Variants in FRMPD4 observed in about 807,000 individuals in gnomAD.
FRMPD4 encodes the protein FERM and PDZ domain containing 4.
FRMPD4 carries 22 observed loss-of-function variants against 94.1 expected under a neutral mutation model. The observed-to-expected ratio is 0.23, with a 90% CI of 0.17 to 0.33. The LOEUF (loss-of-function observed/expected upper bound fraction) is 0.33. Ranked by LOEUF, FRMPD4 falls within the 10% of genes least tolerant of loss-of-function variation. The pLI, the probability that FRMPD4 is intolerant of heterozygous loss-of-function variation, is 1.00. For synonymous variants in FRMPD4, 631 were observed against 548.6 expected (o/e 1.15, Z -2.10); for missense variants, 1,111 against 1,339.9 (o/e 0.83, Z 2.67).
intron 4 of FRMPD4, among the ~76,000 whole-genome samples, chrX:12,654,022 C>T (rs775326014): frequency 5.3e-5 from 6 of 112,198 alleles, no homozygotes; most frequent in South Asian, 3.7e-4. Flanking sequence ...TTGCCCACCT[C>T]GGCCTCCCAA....
intron 1 of FRMPD4, among the ~76,000 whole-genome samples, chrX:12,392,609 T>A (rs1317891052): frequency 9.1e-6 from 1 of 110,320 alleles, no homozygotes; most frequent in East Asian, 2.9e-4. Flanking sequence ...GCCGAGATCA[T>A]GCCACTGCAC....
rs781643371 is a variant in FRMPD4 at position 12,601,622 on chromosome X, C to T, written c.159-8099C>T. ...AATCTTATTCCTAAACTCATGTGTG[C>T]GATCGTATTATATTCCTGCTGGTTG... On this transcript the variant is annotated intron_variant, in intron 2 of 16. Transcript: ENST00000675598. Among the ~76,000 whole-genome samples, 35 of 111,931 alleles carry T rather than the reference C, an allele frequency of 3.1e-4. No homozygotes were observed. In the South Asian group the frequency reaches 6.0e-3, roughly 19 times the overall value.
chrX:11,898,134 G>A (rs1371883764), intron 3 of FRMPD4, among the ~76,000 whole-genome samples: 2 of 111,260 alleles, frequency 1.8e-5, no homozygotes, highest in African/African-American at 6.5e-5. Context: ...TGTGTGTATT[G>A]GGGGTATGGG....
chrX:12,083,763 G>A (rs950733612), intron 3 of FRMPD4, among the ~76,000 whole-genome samples: 7 of 112,544 alleles, frequency 6.2e-5, no homozygotes, highest in African/African-American at 2.3e-4. Flanking sequence ...GGAGTCAAAG[G>A]AGATCATTTT....
intron 3 of FRMPD4, among the ~76,000 whole-genome samples, chrX:11,961,862 T>C (rs2054285344): frequency 8.9e-6 from 1 of 111,898 alleles, no homozygotes; most frequent in African/African-American, 3.3e-5. Flanking sequence ...CCAGGCCTTC[T>C]TCCACATTCC....
Position 11,918,612 on chromosome X carries a change from AC to A in FRMPD4, c.95+40595del, listed in dbSNP as rs201427181. Among the ~76,000 whole-genome samples the A allele has an allele frequency of 2.3e-3, 258 of 112,149 alleles. 1 individual carries two copies. The highest frequency in any genetic ancestry group is 7.2e-3 in the African/African-American group (222 of 30,835). On this transcript the variant is annotated intron_variant, in intron 3 of 18. Transcript: ENST00000640291. ...AGCAAAATTCCATCTCAAAACAAAA[AC>A]AAAAAAAGAAAGGGACACAGCTAGA... is the stretch of plus-strand genomic sequence containing the variant.
chrX:12,180,128 C>A (rs774845089), intron 1 of FRMPD4, among the ~76,000 whole-genome samples: 3 of 111,062 alleles, frequency 2.7e-5, no homozygotes, highest in Non-Finnish European at 5.7e-5. Context: ...TGGTCTGAAT[C>A]CTCTAATGCT....
chrX:12,319,658 G>A (rs149911155), intron 1 of FRMPD4, among the ~76,000 whole-genome samples: 38 of 112,025 alleles, frequency 3.4e-4, no homozygotes, highest in African/African-American at 1.2e-3. Context: ...CTTGGGAATA[G>A]CAGCCCATCT....
At chrX:12,621,942 A>AAG (rs1243668508) in intron 4 of FRMPD4, among the ~76,000 whole-genome samples, 2 of 91,697 alleles carry the variant, frequency 2.2e-5, no homozygotes, top group Non-Finnish European at 4.3e-5. Flanking sequence ...GAAAGAAAGA[A>AAG]AGAGAGAGAG....
Position 11,912,177 on chromosome X carries a change from T to G in FRMPD4, c.95+34159T>G, listed in dbSNP as rs145459284. Among the ~76,000 whole-genome samples, 694 of 112,349 alleles carry G rather than the reference T, an allele frequency of 6.2e-3. 6 individuals are homozygous for G. The highest frequency in any genetic ancestry group is 0.021 in the African/African-American group (654 of 30,948). On this transcript the variant is annotated intron_variant, in intron 3 of 18. Transcript: ENST00000640291. ...AAGCTTCTGTAAGCCACTCCCAGCC[T>G]CTTTTCTTTTCCTTTGCCTGTCAGT...
At chrX:11,951,192 T>G (rs2054221478) in intron 3 of FRMPD4, among the ~76,000 whole-genome samples, 1 of 111,114 alleles carries the variant, frequency 9.0e-6, no homozygotes, top group African/African-American at 3.3e-5. Flanking sequence ...GGTGATTCCT[T>G]GAAAACCTAA....
chrX:12,537,701 G>A (rs761240842), intron 2 of FRMPD4, among the ~76,000 whole-genome samples: 3 of 108,270 alleles, frequency 2.8e-5, no homozygotes, highest in African/African-American at 6.7e-5. Context: ...ATTCCCCGCC[G>A]CATCCCCCCA....
intron 1 of FRMPD4, among the ~76,000 whole-genome samples, chrX:12,316,325 T>C (rs2055114667): frequency 1.8e-5 from 2 of 109,820 alleles, no homozygotes; most frequent in Non-Finnish European, 3.8e-5. Context: ...TTTTGTGTTT[T>C]TTTTTTTAGT....
intron 3 of FRMPD4, among the ~76,000 whole-genome samples, chrX:12,091,866 T>C (rs1418111702): frequency 1.8e-5 from 2 of 111,293 alleles, no homozygotes; most frequent in African/African-American, 6.5e-5. Context: ...TTTTCCAACC[T>C]GTAGAGTGCC....
chrX:12,717,806 C>G lies in FRMPD4; in HGVS notation c.2980C>G (p.His994Asp). ...VPSKQLLHSD[H>D]MEMEPETMET... is the part of the protein sequence containing the mutation. ...TTCCAAGCAGTTACTTCACTCAGAC[C>G]ACATGGAGATGGAGCCTGAAACTAT... Residue 994 changes from histidine (H) to aspartate (D), a missense_variant, in exon 16 of 17, where the codon CAC (histidine) becomes GAC (aspartate). Transcript: ENST00000675598. 8.3e-7 allele frequency: 1 copy of G among 1,211,041 alleles called. No homozygotes were observed. The highest frequency in any genetic ancestry group is 1.8e-5 in the South Asian group (1 of 57,012).
intron 8 of FRMPD4, among the ~76,000 whole-genome samples, chrX:12,693,736 C>A (rs1324443965): frequency 8.9e-6 from 1 of 112,201 alleles, no homozygotes; most frequent in Non-Finnish European, 1.9e-5. Context: ...ATAAACCATA[C>A]TGGACAATCT....
At chrX:12,121,272 T>G in intron 3 of FRMPD4, among the ~76,000 whole-genome samples, 2 of 110,635 alleles carry the variant, frequency 1.8e-5, no homozygotes, top group Non-Finnish European at 3.8e-5. Context: ...GGCCAGATCT[T>G]AGATTTGCAA....
At chrX:12,612,569 G>A (rs2148421886) in intron 3 of FRMPD4, among the ~76,000 whole-genome samples, 1 of 112,263 alleles carries the variant, frequency 8.9e-6, no homozygotes, top group East Asian at 2.8e-4. Context: ...TATTTTGGAT[G>A]GGACAGTGTG....
At chrX:11,933,182 T>C (rs1281099009) in intron 3 of FRMPD4, among the ~76,000 whole-genome samples, 1 of 112,655 alleles carries the variant, frequency 8.9e-6, no homozygotes, top group Non-Finnish European at 1.9e-5. Flanking sequence ...TAGATTCATC[T>C]GCACCGATTG....
Sources: allele counts gnomAD v4.1 joint callset (sites outside exome capture counted in the v4.1 genomes callset), GRCh38; gene constraint gnomAD v4.1.1; transcripts MANE v1.5; gene names NCBI Gene and HGNC (gene_info 2026-07-23, HGNC 2026-07-21).